PPP2R1B: variants seen among roughly 807,000 people sequenced by gnomAD.
PPP2R1B encodes protein phosphatase 2 scaffold subunit Abeta.
A neutral mutation model predicts 72.7 loss-of-function variants in PPP2R1B; 58 were observed. The ratio of observed to expected loss-of-function variants is 0.80; its 90% CI spans 0.65 to 0.99. PPP2R1B has a LOEUF of 0.99. PPP2R1B is among the 50% of genes least tolerant of loss of function. PPP2R1B has a pLI of 0.00. For missense variants in PPP2R1B, 695 were observed against 733.6 expected (o/e 0.95, Z 0.61); for synonymous variants, 256 against 264.6 (o/e 0.97, Z 0.32).
intron 11 of PPP2R1B, among the ~76,000 whole-genome samples, chr11:111,743,957 G>C (rs901212396): frequency 1.3e-5 from 2 of 152,314 alleles, no homozygotes; most frequent in South Asian, 4.1e-4. Context: ...AGAGTGAACA[G>C]GGAAGGTCTA....
chr11:111,694,181 G>A, the PPP2R1B span, among the ~76,000 whole-genome samples: 1 of 152,116 alleles, frequency 6.6e-6, no homozygotes, highest in Non-Finnish European at 1.5e-5. Context: ...TTGATTCCCT[G>A]TGAAAACAAA....
the PPP2R1B span, among the ~76,000 whole-genome samples, chr11:111,697,113 GTAGT>G: frequency 1.3e-5 from 2 of 152,228 alleles, no homozygotes; most frequent in Non-Finnish European, 2.9e-5. Flanking sequence ...AAGGCTCGAA[GTAGT>G]TAAACTTGGT....
rs946193869 is a variant in PPP2R1B, at chr11:111,739,945, A to G, written c.*1651T>C. 2 of 979,740 alleles carry G rather than the reference A, an allele frequency of 2.0e-6. No individual in the cohort carries two copies. 60.7% of individuals were successfully genotyped at this position (979,740 alleles called of 1,614,324 possible). A position where few individuals can be genotyped will look rare whatever the true frequency, so the allele number is the denominator to read the frequency against. ...GCAGACAGATAACCTCTGATTTACA[A>G]TTTCTATTTTTCGAATGTAGGACAA... On this transcript the variant is annotated 3_prime_UTR_variant, in exon 15 of 15. Transcript: ENST00000527614.
At position 111,754,387 on chromosome 11, in the gene PPP2R1B, C is replaced by T. The variant is rs1451599358; in HGVS notation, c.1029+112G>A. 7 of 1,380,560 alleles carry T rather than the reference C, an allele frequency of 5.1e-6. No homozygotes were observed. In the African/African-American group the frequency reaches 1.1e-4, roughly 21 times the overall value. The allele number at this position is 1,380,560 out of a possible 1,614,324, so 85.5% of individuals were successfully genotyped here. A position where few individuals can be genotyped will look rare whatever the true frequency, so the allele number is the denominator to read the frequency against. On this transcript the variant is annotated intron_variant, in intron 8 of 14. Coordinates refer to ENST00000527614, the MANE Select transcript of PPP2R1B (RefSeq NM_002716.5). ...ATTAACACATCTTCCCCATTCATTCCCTGTCAACCTTTAAACTCAAAGAGC... is the reference window on the plus strand; with the variant it reads ...ATTAACACATCTTCCCCATTCATTCTCTGTCAACCTTTAAACTCAAAGAGC...
the PPP2R1B span, among the ~76,000 whole-genome samples, chr11:111,713,740 G>T: frequency 6.6e-6 from 1 of 152,170 alleles, no homozygotes; most frequent in Non-Finnish European, 1.5e-5. Context: ...AGGCCAAGGC[G>T]GACAGATCAT....
chr11:111,764,991 T>A (rs1565486242), intron 2 of PPP2R1B, 86 bp from the exon 3 acceptor site: 1 of 1,546,928 alleles, frequency 6.5e-7, no homozygotes, highest in Non-Finnish European at 8.7e-7. Context: ...AGATTCACTA[T>A]GCGACCAGGA....
chr11:111,730,480 G>A (rs942682656), intron 15 of PPP2R1B: 3 of 152,200 alleles, frequency 2.0e-5, no homozygotes, highest in Non-Finnish European at 2.9e-5. Flanking sequence ...TTTGTAGAAA[G>A]GGCAAGATTA....
chr11:111,722,434 A>C (rs1480491312), downstream of PPP2R1B, among the ~76,000 whole-genome samples: 1 of 152,204 alleles, frequency 6.6e-6, no homozygotes, highest in Non-Finnish European at 1.5e-5. This position sits in a 1 kb window ranked among gnomAD's most constrained non-coding sequence, Gnocchi z 4.4. Context: ...TCACAGTCCT[A>C]GTGGACTTTT....
chr11:111,730,565 A>G (rs1372075704), intron 15 of PPP2R1B: 3 of 152,200 alleles, frequency 2.0e-5, no homozygotes, highest in Non-Finnish European at 2.9e-5. Context: ...GATAAAGTTA[A>G]TCTAACTGTA....
rs1945258062 is a variant in PPP2R1B at position 111,759,806 on chromosome 11, G to C, written c.685C>G (p.Gln229Glu). The change falls in exon 5 of 15, where the codon CAG (glutamine) becomes GAG (glutamate). Residue 229 changes from glutamine (Q) to glutamate (E), a missense_variant and splice_region_variant. Physicochemically the swap from Gln to Glu is conservative, Grantham distance 29 (BLOSUM62 2). Coordinates refer to ENST00000527614, the MANE Select transcript of PPP2R1B (RefSeq NM_002716.5). The part of the protein sequence containing the change: ...PLFTSLASDE[Q>E]DSVRLLAVEA... ...TTAAATACTAAGAGTTAGTTTACCT[G>C]TTCATCTGAAGCTAGACTAGTGAAC... is the stretch of plus-strand genomic sequence containing the variant. 6.2e-7 allele frequency: 1 copy of C among 1,609,886 alleles called. No homozygotes were observed. Among genetic ancestry groups the C allele is most frequent in the Non-Finnish European group, 8.5e-7 (1 of 1,177,048 alleles).
At chr11:111,751,031 G>A (rs1167403860) in intron 10 of PPP2R1B, among the ~76,000 whole-genome samples, 2 of 152,126 alleles carry the variant, frequency 1.3e-5, no homozygotes, top group East Asian at 3.9e-4. Context: ...TAGAGATGGG[G>A]TTTCACCATG....
At chr11:111,713,409 C>A in the PPP2R1B span, among the ~76,000 whole-genome samples, 1 of 152,140 alleles carries the variant, frequency 6.6e-6, no homozygotes, top group East Asian at 1.9e-4. Flanking sequence ...GGCCACGTAA[C>A]AAAACTCTTT....
intron 10 of PPP2R1B, among the ~76,000 whole-genome samples, chr11:111,748,671 C>T (rs1486179003): frequency 6.6e-6 from 1 of 152,188 alleles, no homozygotes; most frequent in African/African-American, 2.4e-5. Context: ...CCGGGGCTTC[C>T]ACACCACATG....
chr11:111,700,427 A>C, the PPP2R1B span, among the ~76,000 whole-genome samples: 2 of 152,200 alleles, frequency 1.3e-5, no homozygotes, highest in African/African-American at 4.8e-5. Flanking sequence ...TTCAAGGGTT[A>C]TATATCTGGG....
At chr11:111,722,735 A>G (rs771099858), downstream of PPP2R1B, 2 of 1,614,124 alleles carry the variant, frequency 1.2e-6, no homozygotes, top group Non-Finnish European at 1.7e-6. This position sits in a 1 kb window ranked among gnomAD's most constrained non-coding sequence, Gnocchi z 4.4. Context: ...CGGAGCCTTG[A>G]GCAGCAGCTG....
chr11:111,742,388 A>T, intron 13 of PPP2R1B, 135 bp downstream of exon 13: 5 of 1,045,060 alleles, frequency 4.8e-6, no homozygotes, highest in Non-Finnish European at 5.3e-6. Context: ...AATAGTTGCT[A>T]AATTATTTTC....
chr11:111,766,343 G>T lies in PPP2R1B; in HGVS notation c.19C>A (p.Leu7Ile). The change falls in exon 1 of 15, where the codon CTC becomes ATC. Residue 7 changes from leucine (L) to isoleucine (I), a missense_variant. Leu to Ile is a conservative substitution (Grantham distance 5, BLOSUM62 2). Coordinates refer to ENST00000527614, the MANE Select transcript of PPP2R1B (RefSeq NM_002716.5). Reference protein sequence around the residue: MAGASELGTGPGAAGGD... With the variant: MAGASEIGTGPGAAGGD... The stretch of plus-strand genomic sequence containing the variant: ...CCCGCTGCTCCTGGGCCGGTCCCGA[G>T]CTCTGATGCGCCCGCCATGTTCTTT... 1.3e-6 allele frequency: 2 copies of T among 1,536,740 alleles called. No homozygotes were observed. The highest frequency in any genetic ancestry group is 8.8e-7 in the Non-Finnish European group (1 of 1,142,246).
intron 5 of PPP2R1B, among the ~76,000 whole-genome samples, chr11:111,757,835 C>CAAA (rs1334506925): frequency 1.1e-4 from 11 of 103,046 alleles, no homozygotes; most frequent in African/African-American, 3.0e-4. Context: ...AACTCCATCT[C>CAAA]AAAAAAAAAA....
chr11:111,705,206 A>T, the PPP2R1B span: 1 of 1,433,250 alleles, frequency 7.0e-7, no homozygotes, highest in Non-Finnish European at 9.1e-7. This position sits in a 1 kb window ranked among gnomAD's most constrained non-coding sequence, Gnocchi z 4.3. Flanking sequence ...TACATTTTTC[A>T]TCTTATACAC....
Sources: allele counts gnomAD v4.1 joint callset (sites outside exome capture counted in the v4.1 genomes callset), GRCh38; gene constraint gnomAD v4.1.1; non-coding constraint Gnocchi (gnomAD v3.1); transcripts MANE v1.5; gene names NCBI Gene and HGNC (gene_info 2026-07-23, HGNC 2026-07-21).